QRFPR: variants seen among roughly 807,000 people sequenced by gnomAD.
QRFPR encodes pyroglutamylated RF-amide peptide receptor.
QRFPR carries 37 observed loss-of-function variants against 31.3 expected under a neutral mutation model. That is an observed-to-expected ratio of 1.18 (90% CI 0.91 to 1.56). The LOEUF is 1.56. Among genes scored for constraint, QRFPR ranks in the 40% most tolerant of loss-of-function variants. The pLI, the probability that QRFPR is intolerant of heterozygous loss-of-function variation, is 0.00. For synonymous variants in QRFPR, 197 were observed against 192.0 expected (o/e 1.03, Z -0.22); for missense variants, 542 against 532.5 (o/e 1.02, Z -0.18).
At chr4:121,365,409 A>G (rs6534264) in intron 1 of QRFPR, among the ~76,000 whole-genome samples, 100,933 of 127,034 alleles carry the variant, frequency 0.79, 42,403 homozygotes, top group East Asian at 0.99. Context: ...AGCCGAGATC[A>G]CGCCACCGCA....
intron 1 of QRFPR, among the ~76,000 whole-genome samples, chr4:121,341,983 A>G (rs12499677): frequency 0.16 from 24,021 of 152,156 alleles, 2,858 homozygotes; most frequent in East Asian, 0.57. Flanking sequence ...GACTGGCTTA[A>G]GGAATACCCA....
chr4:121,374,403 T>C (rs1560747141), intron 1 of QRFPR, among the ~76,000 whole-genome samples: 1 of 152,218 alleles, frequency 6.6e-6, no homozygotes, highest in Non-Finnish European at 1.5e-5. Flanking sequence ...ATTATTTCTT[T>C]TAATCTTCAT....
intron 1 of QRFPR, among the ~76,000 whole-genome samples, chr4:121,366,011 G>C (rs1190397133): frequency 6.7e-6 from 1 of 148,746 alleles, no homozygotes; most frequent in East Asian, 2.0e-4. Context: ...AAAAGATCAT[G>C]GCAGACTTTC....
At chr4:121,356,439 G>A (rs1400228049) in intron 1 of QRFPR, among the ~76,000 whole-genome samples, 3 of 152,058 alleles carry the variant, frequency 2.0e-5, no homozygotes, top group Non-Finnish European at 4.4e-5. Flanking sequence ...AGTTCATTTG[G>A]TGAAGTCATA....
intron 1 of QRFPR, among the ~76,000 whole-genome samples, chr4:121,352,749 T>A (rs1461415417): frequency 2.0e-5 from 3 of 152,058 alleles, no homozygotes; most frequent in African/African-American, 7.2e-5. Flanking sequence ...CTCTTTTCGT[T>A]ATTTTAAAAT....
At position 121,337,787 on chromosome 4, in the gene QRFPR, G is replaced by C. The variant is rs111605361; in HGVS notation, c.500-919C>G. Among the ~76,000 whole-genome samples, 876 of 152,170 alleles carry C rather than the reference G, an allele frequency of 5.8e-3. 12 individuals carry two copies. The highest frequency in any genetic ancestry group is 0.02 in the African/African-American group (842 of 41,524). On this transcript the variant is annotated intron_variant, in intron 2 of 5. Transcript: ENST00000394427. The stretch of plus-strand genomic sequence containing the variant: ...CCAAAATGCTCTTTCCAAATTTCCT[G>C]TCTTCCACGAACTTGTTGAGAGGGA...
intron 1 of QRFPR, among the ~76,000 whole-genome samples, chr4:121,365,321 G>T (rs1553947832): frequency 1.4e-5 from 2 of 142,332 alleles, no homozygotes; most frequent in Non-Finnish European, 3.0e-5. Context: ...AAGCATGGTG[G>T]CAGGCGCCTG....
At chr4:121,356,068 G>T (rs62319041) in intron 1 of QRFPR, among the ~76,000 whole-genome samples, 43,042 of 151,968 alleles carry the variant, frequency 0.28, 6,521 homozygotes, top group Middle Eastern at 0.38. Flanking sequence ...ATATATATTA[G>T]ATCCACTTGA....
chr4:121,357,999 T>G (rs1725903541), intron 1 of QRFPR, among the ~76,000 whole-genome samples: 1 of 152,188 alleles, frequency 6.6e-6, no homozygotes, highest in Admixed American at 6.5e-5. Flanking sequence ...GCAACATATA[T>G]ACTCTCCCAC....
chr4:121,330,237 G>T (rs1725296994), intron 5 of QRFPR, among the ~76,000 whole-genome samples, 189 bp downstream of exon 5: 1 of 152,192 alleles, frequency 6.6e-6, no homozygotes, highest in African/African-American at 2.4e-5. Context: ...AATTATTAAA[G>T]ATTTAGTCAT....
chr4:121,359,669 A>ATG (rs1316695470), intron 1 of QRFPR, among the ~76,000 whole-genome samples: 1 of 149,818 alleles, frequency 6.7e-6, no homozygotes, highest in Non-Finnish European at 1.5e-5. Flanking sequence ...ATATATATAT[A>ATG]TGTGTGTGTA....
At chr4:121,346,548 T>G (rs1258267522) in intron 1 of QRFPR, among the ~76,000 whole-genome samples, 2 of 152,346 alleles carry the variant, frequency 1.3e-5, no homozygotes, top group East Asian at 3.9e-4. Context: ...CTTGTTTCTC[T>G]TAGTGGTTTT....
At chr4:121,336,701 T>A in intron 3 of QRFPR, 106 bp downstream of exon 3, 1 of 849,530 alleles carries the variant, frequency 1.2e-6, no homozygotes, top group Non-Finnish European at 2.1e-6. Flanking sequence ...ATAGCTGAGG[T>A]CATACAAATT....
At chr4:121,375,277 T>C (rs1184861644) in intron 1 of QRFPR, among the ~76,000 whole-genome samples, 1 of 152,176 alleles carries the variant, frequency 6.6e-6, no homozygotes, top group Non-Finnish European at 1.5e-5. Context: ...CATCCCCTAA[T>C]CTGATTCAAG....
chr4:121,333,060 CATA>C lies in QRFPR; in HGVS notation c.562-7_562-5del. ...CATATAGGAAGTCATATTTGATCTT[CATA>C]ATAAGAATAATTCATTAAAAGAACC... On this transcript the variant is annotated splice_polypyrimidine_tract_variant and splice_region_variant and intron_variant, in intron 3 of 5. Transcript: ENST00000394427. The C allele has an allele frequency of 6.3e-7, 1 of 1,580,610 alleles. No individual in the cohort carries two copies. Among genetic ancestry groups the C allele is most frequent in the Non-Finnish European group, 8.7e-7 (1 of 1,151,146 alleles).
chr4:121,379,188 T>G (rs117513951), intron 1 of QRFPR, among the ~76,000 whole-genome samples: 1 of 152,196 alleles, frequency 6.6e-6, no homozygotes, highest in Non-Finnish European at 1.5e-5. Flanking sequence ...AATATTTACA[T>G]TATAGATTGA....
intron 1 of QRFPR, among the ~76,000 whole-genome samples, chr4:121,358,541 C>G (rs757746466): frequency 6.6e-6 from 1 of 152,016 alleles, no homozygotes; most frequent in Non-Finnish European, 1.5e-5. Context: ...GTTTTGTTTT[C>G]TCTTCTATTA....
intron 4 of QRFPR, among the ~76,000 whole-genome samples, chr4:121,331,163 G>A (rs368877796): frequency 2.2e-5 from 3 of 139,034 alleles, no homozygotes; most frequent in East Asian, 4.2e-4. Flanking sequence ...ATATCTATAC[G>A]ATATATCTTG....
At chr4:121,367,993 T>C (rs1215401554) in intron 1 of QRFPR, among the ~76,000 whole-genome samples, 2 of 149,200 alleles carry the variant, frequency 1.3e-5, no homozygotes, top group Non-Finnish European at 3.0e-5. Flanking sequence ...GGCCTCTCTA[T>C]GGAAAGGCCA....
Sources: gnomAD v4.1 joint callset for allele counts (sites outside exome capture counted in the v4.1 genomes callset) on GRCh38, gnomAD v4.1.1 for gene constraint, MANE v1.5 for transcripts, NCBI Gene and HGNC (gene_info 2026-07-23, HGNC 2026-07-21) for gene names.